Variants in RAC1 observed in about 807,000 individuals in gnomAD.
RAC1 encodes Rac family small GTPase 1.
Under a neutral mutation model 25.2 loss-of-function variants are expected in RAC1, and 2 were observed. The ratio of observed to expected loss-of-function variants is 0.08; its 90% CI spans 0.03 to 0.25. RAC1 has a LOEUF of 0.25. Among genes scored for constraint, RAC1 ranks in the 10% least tolerant of loss-of-function variants. The pLI is 1.00. For missense variants in RAC1, 50 were observed against 235.7 expected, an observed-to-expected ratio of 0.21 and a Z score of 5.16; for synonymous variants, 88 against 94.0, an observed-to-expected ratio of 0.94 and a Z score of 0.37.
rs1783488352 is a variant in RAC1 at position 6,403,813 on chromosome 7, C to G, written c.*1367C>G. 4.6e-6 allele frequency: 1 copy of G among 218,128 alleles called. No individual in the cohort carries two copies. 13.5% of individuals were successfully genotyped at this position (218,128 alleles called of 1,614,324 possible). ...TGACGATGTTCTGTACAACTTAACT[C>G]ACTGGCGAGAATACAGCGTGGGACC... On this transcript the variant is annotated 3_prime_UTR_variant, in exon 6 of 6. Transcript: ENST00000348035.
chr7:6,399,269 C>T (rs1783334227), intron 3 of RAC1, among the ~76,000 whole-genome samples: 1 of 152,206 alleles, frequency 6.6e-6, no homozygotes, highest in Non-Finnish European at 1.5e-5. Flanking sequence ...CTTTCAGGTA[C>T]AAGGTATCAG....
intron 1 of RAC1, among the ~76,000 whole-genome samples, chr7:6,380,118 C>G (rs1782723402): frequency 6.6e-6 from 1 of 152,178 alleles, no homozygotes; most frequent in Non-Finnish European, 1.5e-5. Flanking sequence ...GTGACATCAT[C>G]CTTACAGGAA....
At chr7:6,397,714 G>GT (rs1416319869) in intron 3 of RAC1, among the ~76,000 whole-genome samples, 1 of 152,210 alleles carries the variant, frequency 6.6e-6, no homozygotes, top group Non-Finnish European at 1.5e-5. Flanking sequence ...ATGGCTGAAA[G>GT]TGGTGGCTCA....
At chr7:6,376,506 C>CTTT (rs1315630129) in intron 1 of RAC1, among the ~76,000 whole-genome samples, 3 of 82,998 alleles carry the variant, frequency 3.6e-5, no homozygotes, top group Non-Finnish European at 4.7e-5. Flanking sequence ...TTTTTCTTTT[C>CTTT]TTTTTTTTTT....
intron 1 of RAC1, among the ~76,000 whole-genome samples, chr7:6,376,779 GTTT>G (rs35795933): frequency 0.21 from 24,116 of 116,470 alleles, 2,448 homozygotes; most frequent in Non-Finnish European, 0.26. Flanking sequence ...GCCTCGGCCT[GTTT>G]TTTTTTTTTT....
At chr7:6,389,951 CTCCCTCCCTT>C (rs1783040171) in intron 2 of RAC1, among the ~76,000 whole-genome samples, 1 of 141,180 alleles carries the variant, frequency 7.1e-6, no homozygotes. Context: ...CCCTCCCTCT[CTCCCTCCCTT>C]CCTCCCTTCC....
intron 1 of RAC1, among the ~76,000 whole-genome samples, chr7:6,385,240 CACTT>C (rs1782890146): frequency 6.6e-6 from 1 of 152,156 alleles, no homozygotes; most frequent in East Asian, 1.9e-4. Flanking sequence ...TTAACAACTG[CACTT>C]ACTTCATGAG....
intron 1 of RAC1, among the ~76,000 whole-genome samples, chr7:6,383,979 A>G (rs903006546): frequency 6.6e-6 from 1 of 151,252 alleles, no homozygotes; most frequent in African/African-American, 2.4e-5. Context: ...TATTTTTAGT[A>G]GAGAGGGGTT....
chr7:6,395,241 C>T (rs1783202855), intron 3 of RAC1, among the ~76,000 whole-genome samples: 1 of 152,312 alleles, frequency 6.6e-6, no homozygotes, highest in East Asian at 1.9e-4. Context: ...GCTGGGATTA[C>T]AGGCGTGAGC....
intron 3 of RAC1, among the ~76,000 whole-genome samples, chr7:6,395,462 G>T (rs973190029): frequency 6.6e-6 from 1 of 152,190 alleles, no homozygotes; most frequent in Non-Finnish European, 1.5e-5. Flanking sequence ...TTCGCCGCGA[G>T]GGAAACACGC....
chr7:6,397,435 A>G (rs990442919), intron 3 of RAC1, among the ~76,000 whole-genome samples: 1 of 151,666 alleles, frequency 6.6e-6, no homozygotes, highest in Non-Finnish European at 1.5e-5. Context: ...CTGGGATTAC[A>G]GGTGCCTGCC....
intron 3 of RAC1, chr7:6,398,740 C>T: frequency 6.2e-7 from 1 of 1,608,992 alleles, no homozygotes; most frequent in Non-Finnish European, 8.5e-7. Context: ...TTTCAGTCCA[C>T]TTCAGTTTCA....
intron 3 of RAC1, among the ~76,000 whole-genome samples, chr7:6,399,026 G>A (rs1453667976): frequency 6.6e-6 from 1 of 152,182 alleles, no homozygotes; most frequent in Non-Finnish European, 1.5e-5. Context: ...AGCCCACCTG[G>A]CTGTGAGCCG....
In RAC1 at chr7:6,396,857, C is replaced by T. The variant is rs185431961; in HGVS notation, c.226-3269C>T. Among the ~76,000 whole-genome samples the T allele has an allele frequency of 1.8e-3, 275 of 152,098 alleles. 1 individual carries two copies. Among genetic ancestry groups the T allele is most frequent in the Non-Finnish European group, 2.9e-3 (197 of 67,976 alleles). On this transcript the variant is annotated intron_variant, in intron 3 of 5. Transcript: ENST00000348035. The stretch of plus-strand genomic sequence containing the variant: ...CATCCTGGCTAACACGTTGAAACCT[C>T]GTCTCTACTAAAAATACAAAAAATT...
At chr7:6,388,346 CT>C (rs71008389) in intron 2 of RAC1, among the ~76,000 whole-genome samples, 194 of 121,798 alleles carry the variant, frequency 1.6e-3, no homozygotes, top group Middle Eastern at 0.014. Context: ...TGTTGTTTTC[CT>C]TTTTTTTTTT....
chr7:6,388,372 G>GTC (rs3838698), intron 2 of RAC1, among the ~76,000 whole-genome samples: 2 of 126,684 alleles, frequency 1.6e-5, no homozygotes, highest in African/African-American at 2.9e-5. Context: ...TTTGGAGTTA[G>GTC]TCTCTCTCTC....
intron 1 of RAC1, among the ~76,000 whole-genome samples, chr7:6,377,607 A>C (rs894794103): frequency 2.0e-5 from 3 of 151,744 alleles, no homozygotes; most frequent in Non-Finnish European, 2.9e-5. Flanking sequence ...AAAAGCAAAA[A>C]CAAAAACTAT....
Position 6,374,788 on chromosome 7 carries a change from G to A in RAC1, c.35+18G>A. 2 of 1,125,848 alleles carry A rather than the reference G, an allele frequency of 1.8e-6. No individual in the cohort carries two copies. The highest frequency in any genetic ancestry group is 4.9e-5 in the Admixed American group (1 of 20,444). The allele number at this position is 1,125,848 out of a possible 1,614,324, so 69.7% of individuals were successfully genotyped here. A position where few individuals can be genotyped will look rare whatever the true frequency, so the allele number is the denominator to read the frequency against. On this transcript the variant is annotated intron_variant, in intron 1 of 5. Transcript: ENST00000348035. ...GGAGACGGGTGAGTGCGCGGCCGGG[G>A]CCGGGCTGGAGGCCGCGGGATCGGG... is the stretch of plus-strand genomic sequence containing the variant.
rs370781185 is a variant in RAC1, at chr7:6,402,041, T to C, written c.448+14T>C. 6.2e-6 allele frequency: 10 copies of C among 1,610,800 alleles called. No homozygotes were observed. The African/African-American group carries it at 1.1e-4, about 17-fold the overall frequency. ...CTAAGGAGATTGGTATGGAATCCTGTGTTTTTCCTCCTCCTTGTACCTCTT... is the reference window on the plus strand; with the variant it reads ...CTAAGGAGATTGGTATGGAATCCTGCGTTTTTCCTCCTCCTTGTACCTCTT... On this transcript the variant is annotated intron_variant, in intron 5 of 5. Transcript: ENST00000348035.
Sources: allele counts gnomAD v4.1 joint callset (sites outside exome capture counted in the v4.1 genomes callset), GRCh38; gene constraint gnomAD v4.1.1; transcripts MANE v1.5; gene names NCBI Gene and HGNC (gene_info 2026-07-23, HGNC 2026-07-21).